The following CNTLN variants were observed in gnomAD, a reference collection of about 807,000 sequenced individuals.
CNTLN encodes centlein, centrosomal protein.
In CNTLN, 212 loss-of-function variants were observed where a neutral mutation model predicts 180.0. The observed-to-expected ratio is 1.18, with a 90% CI of 1.05 to 1.32. CNTLN has a LOEUF of 1.32. Among genes scored for constraint, CNTLN ranks in the 40% most tolerant of loss-of-function variants. The probability of loss-of-function intolerance (pLI) is 0.00; values close to 1 mark genes in which losing one functional copy is unlikely to be tolerated. For missense variants in CNTLN, 2,095 were observed against 1,610.9 expected (o/e 1.30, Z -5.14); for synonymous variants, 722 against 563.1 (o/e 1.28, Z -3.99).
At chr9:17,203,503 C>T (rs1442662861) in intron 2 of CNTLN, among the ~76,000 whole-genome samples, 2 of 151,980 alleles carry the variant, frequency 1.3e-5, no homozygotes, top group Admixed American at 6.6e-5. Context: ...ACATAGTGCC[C>T]TAATTCTTGG....
intron 13 of CNTLN, among the ~76,000 whole-genome samples, chr9:17,382,879 T>C (rs530152454): frequency 6.6e-6 from 1 of 152,312 alleles, no homozygotes; most frequent in Non-Finnish European, 1.5e-5. Context: ...TAGCCTTATC[T>C]TTCATATGTT....
intron 2 of CNTLN, 52 bp downstream of exon 2, chr9:17,143,428 C>G: frequency 1.5e-6 from 2 of 1,303,086 alleles, no homozygotes; most frequent in South Asian, 1.2e-5. Flanking sequence ...GAGTTTGTTT[C>G]TCTTCATTAT....
At chr9:17,402,131 G>A (rs16935618) in intron 15 of CNTLN, among the ~76,000 whole-genome samples, 8,527 of 151,788 alleles carry the variant, frequency 0.056, 612 homozygotes, top group East Asian at 0.25. Context: ...AAGGCTATGC[G>A]ATTTCTGTTG....
At chr9:17,215,551 C>T (rs1001623621) in intron 2 of CNTLN, among the ~76,000 whole-genome samples, 4 of 152,198 alleles carry the variant, frequency 2.6e-5, no homozygotes, top group African/African-American at 7.2e-5. Flanking sequence ...ACACTCCATA[C>T]TGGGAGAACG....
intron 6 of CNTLN, among the ~76,000 whole-genome samples, chr9:17,278,296 C>T (rs966535389): frequency 6.0e-5 from 9 of 150,592 alleles, no homozygotes; most frequent in Admixed American, 2.0e-4. Flanking sequence ...TTTTTCAGAA[C>T]TTTTCTGGCC....
intron 5 of CNTLN, among the ~76,000 whole-genome samples, chr9:17,244,750 G>C (rs921990808): frequency 6.6e-6 from 1 of 151,858 alleles, no homozygotes; most frequent in African/African-American, 2.4e-5. Flanking sequence ...TTTAGTAAAG[G>C]TGATTTTCTC....
intron 10 of CNTLN, among the ~76,000 whole-genome samples, chr9:17,338,440 T>TGA (rs1441077639): frequency 6.8e-6 from 1 of 146,266 alleles, no homozygotes; most frequent in Non-Finnish European, 1.5e-5. Context: ...CCCAAAGTGC[T>TGA]GAGATTAGAG....
chr9:17,209,234 C>T (rs752779801), intron 2 of CNTLN, among the ~76,000 whole-genome samples: 44 of 152,038 alleles, frequency 2.9e-4, no homozygotes, highest in Middle Eastern at 3.2e-3. Context: ...TCCAAAATTC[C>T]TCCTGTTACT....
chr9:17,416,147 A>G lies in CNTLN; in HGVS notation c.3072A>G (p.Gln1024=). ...ATGAAAAGCTCCTCCATCAACAGCA[A>G]GTATCCGATCAACGATTTCAGACAA... is the stretch of plus-strand genomic sequence containing the variant. ...EVNEKLLHQQ[Q]VSDQRFQTSR... The change falls in exon 18 of 26, where the codon CAA becomes CAG. Residue 1024 remains glutamine, a synonymous_variant. Coordinates refer to ENST00000380647, the MANE Select transcript of CNTLN (RefSeq NM_017738.4). The G allele has an allele frequency of 6.2e-7, 1 of 1,613,476 alleles. No homozygotes were observed. The highest frequency in any genetic ancestry group is 8.5e-7 in the Non-Finnish European group (1 of 1,179,724).
At chr9:17,237,402 CA>C (rs1825219306) in intron 5 of CNTLN, among the ~76,000 whole-genome samples, 16 of 136,440 alleles carry the variant, frequency 1.2e-4, no homozygotes, top group African/African-American at 4.7e-4. Context: ...CACACACACA[CA>C]CACGGTTAGT....
chr9:17,454,735 C>T (rs1332813314), intron 18 of CNTLN, among the ~76,000 whole-genome samples: 1 of 152,162 alleles, frequency 6.6e-6, no homozygotes, highest in East Asian at 1.9e-4. Context: ...TAGACAAGCA[C>T]CATCTCTTTT....
At chr9:17,215,240 G>A (rs1485494411) in intron 2 of CNTLN, among the ~76,000 whole-genome samples, 1 of 152,146 alleles carries the variant, frequency 6.6e-6, no homozygotes, top group Non-Finnish European at 1.5e-5. Context: ...TGGTGTGGAT[G>A]TCCTTTCTGT....
rs1339304789 is a variant in CNTLN at position 17,232,267 on chromosome 9, A to G, written c.535-3391A>G. ...TCTTTAATGATTTTGTGATATAAGTAACTATATTATGCAATTTAATATTAA... is the reference window on the plus strand; with the variant it reads ...TCTTTAATGATTTTGTGATATAAGTGACTATATTATGCAATTTAATATTAA... On this transcript the variant is annotated intron_variant, in intron 3 of 25. Coordinates refer to ENST00000380647, the MANE Select transcript of CNTLN (RefSeq NM_017738.4). Among the ~76,000 whole-genome samples, 6 of 152,142 alleles carry G rather than the reference A, an allele frequency of 3.9e-5. No individual in the cohort carries two copies. The East Asian group carries it at 1.2e-3, about 29-fold the overall frequency.
At chr9:17,513,461 C>T in the CNTLN span, among the ~76,000 whole-genome samples, 1 of 151,630 alleles carries the variant, frequency 6.6e-6, no homozygotes, top group African/African-American at 2.4e-5. Flanking sequence ...TTTGGGAGGC[C>T]CAGGCGGGCA....
At chr9:17,504,067 T>C (rs1266909941), downstream of CNTLN, 1 of 148,760 alleles carries the variant, frequency 6.7e-6, no homozygotes, top group Non-Finnish European at 1.5e-5. Flanking sequence ...CTTGACAGAA[T>C]TTTAGGTGAC....
rs138300927 is a variant in CNTLN at position 17,364,968 on chromosome 9, A to G, written c.1887-1649A>G. On this transcript the variant is annotated intron_variant, in intron 12 of 25. Coordinates refer to ENST00000380647, the MANE Select transcript of CNTLN (RefSeq NM_017738.4). ...ACTATTTTAGTGAAACTCTAACCAG[A>G]TAAGTTCAGATATTCAGGTTTTCAT... Among the ~76,000 whole-genome samples the G allele has an allele frequency of 3.0e-3, 455 of 152,288 alleles. 4 individuals are homozygous for G. Among genetic ancestry groups the G allele is most frequent in the African/African-American group, 0.01 (430 of 41,566 alleles).
At chr9:17,180,964 A>G (rs937065795) in intron 2 of CNTLN, among the ~76,000 whole-genome samples, 3 of 152,134 alleles carry the variant, frequency 2.0e-5, no homozygotes, top group Non-Finnish European at 4.4e-5. Flanking sequence ...CTGTGTCACT[A>G]TCTTCAAGAT....
intron 5 of CNTLN, 103 bp from the exon 6 acceptor site, chr9:17,273,630 C>CAG (rs3840729): frequency 0.26 from 154,146 of 591,158 alleles, 21,229 homozygotes; most frequent in South Asian, 0.38. Context: ...AAAATTAAAA[C>CAG]TATTTTTCTC....
chr9:17,397,649 T>TTA (rs978417136), intron 15 of CNTLN, among the ~76,000 whole-genome samples: 9 of 152,174 alleles, frequency 5.9e-5, no homozygotes, highest in African/African-American at 2.2e-4. Context: ...ATTGCCTAAC[T>TTA]TACTGGGAAT....
Sources: allele counts gnomAD v4.1 joint callset (sites outside exome capture counted in the v4.1 genomes callset), GRCh38; gene constraint gnomAD v4.1.1; transcripts MANE v1.5; gene names NCBI Gene and HGNC (gene_info 2026-07-23, HGNC 2026-07-21).